ZNF143: variants seen among roughly 807,000 people sequenced by gnomAD.
ZNF143 encodes the protein SPH-binding factor.
ZNF143 carries 49 observed loss-of-function variants against 74.1 expected under a neutral mutation model. The ratio of observed to expected loss-of-function variants is 0.66; its 90% CI spans 0.53 to 0.84. The LOEUF (loss-of-function observed/expected upper bound fraction) is 0.84. ZNF143 is among the 40% of genes least tolerant of loss of function. The pLI is 0.00. For synonymous variants in ZNF143, 304 were observed against 282.8 expected (o/e 1.07, Z -0.75); for missense variants, 637 against 793.4 (o/e 0.80, Z 2.37).
chr11:9,478,122 G>A (rs924909212), intron 5 of ZNF143, among the ~76,000 whole-genome samples: 27 of 152,166 alleles, frequency 1.8e-4, no homozygotes, highest in African/African-American at 4.3e-4. Context: ...CACTGCACCC[G>A]GCCTGTTAAT....
intron 7 of ZNF143, among the ~76,000 whole-genome samples, chr11:9,480,875 GAAA>G: frequency 7.1e-6 from 1 of 140,038 alleles, no homozygotes; most frequent in Non-Finnish European, 1.5e-5. Context: ...CAACAAGAAC[GAAA>G]CTGTCTCAAA....
At chr11:9,468,261 G>A (rs1476494977) in intron 1 of ZNF143, among the ~76,000 whole-genome samples, 2 of 152,138 alleles carry the variant, frequency 1.3e-5, no homozygotes, top group African/African-American at 2.4e-5. Context: ...CAATAGTTCA[G>A]TTGAGATCAA....
At chr11:9,475,574 C>A (rs1465211434) in intron 5 of ZNF143, among the ~76,000 whole-genome samples, 1 of 152,176 alleles carries the variant, frequency 6.6e-6, no homozygotes, top group Non-Finnish European at 1.5e-5. Flanking sequence ...AACCACTTTG[C>A]CTAACCTATT....
chr11:9,481,455 C>T (rs2133935863), intron 7 of ZNF143, among the ~76,000 whole-genome samples: 1 of 152,178 alleles, frequency 6.6e-6, no homozygotes, highest in African/African-American at 2.4e-5. Context: ...CTAAGTCAAC[C>T]TCTACTAAGA....
At chr11:9,510,244 C>T (rs1441759343) in intron 12 of ZNF143, among the ~76,000 whole-genome samples, 2 of 151,824 alleles carry the variant, frequency 1.3e-5, no homozygotes, top group African/African-American at 2.4e-5. Context: ...CCTGCCTCAG[C>T]TTCCTGAGTA....
At position 9,508,821 on chromosome 11, in the gene ZNF143, G is replaced by A; in HGVS notation, c.1350G>A (p.Gln450=). Residue 450 remains glutamine (Q), a synonymous_variant, in exon 12 of 16, where the codon CAG becomes CAA. Transcript: ENST00000396602. ...ACACTGAGCCCATCGAGGAGGAGCA[G>A]GAAGCCTTCTTTGAGCCGCCCCCAG... ...HNDTEPIEEE[Q]EAFFEPPPGQ... is the part of the protein sequence containing the mutation. 1 of 1,598,370 alleles carries A rather than the reference G, an allele frequency of 6.3e-7. No homozygotes were observed. Among genetic ancestry groups the A allele is most frequent in the Non-Finnish European group, 8.5e-7 (1 of 1,171,820 alleles).
chr11:9,525,502 A>G (rs775619175), intron 15 of ZNF143, 116 bp downstream of exon 15: 5 of 1,335,116 alleles, frequency 3.7e-6, no homozygotes, highest in Admixed American at 1.8e-5. Flanking sequence ...AATAATCTCT[A>G]TCACCTAGCC....
intron 1 of ZNF143, among the ~76,000 whole-genome samples, chr11:9,466,902 G>A (rs1054010970): frequency 2.2e-4 from 34 of 151,520 alleles, no homozygotes; most frequent in South Asian, 8.3e-4. Flanking sequence ...GTGTGTGTGT[G>A]TGTTTTTTTG....
At chr11:9,521,028 A>T (rs766707006) in intron 14 of ZNF143, among the ~76,000 whole-genome samples, 2 of 152,228 alleles carry the variant, frequency 1.3e-5, no homozygotes, top group Non-Finnish European at 2.9e-5. Flanking sequence ...CACAAAATTG[A>T]GAGGTAGGTA....
At chr11:9,516,614 T>C (rs1047375791) in intron 14 of ZNF143, among the ~76,000 whole-genome samples, 1 of 150,724 alleles carries the variant, frequency 6.6e-6, no homozygotes, top group Non-Finnish European at 1.5e-5. Context: ...CCCACATATA[T>C]ATTAAGTGTT....
intron 14 of ZNF143, among the ~76,000 whole-genome samples, chr11:9,522,589 G>A (rs943218488): frequency 1.2e-4 from 18 of 152,308 alleles, no homozygotes; most frequent in African/African-American, 3.4e-4. Flanking sequence ...CGCCTCCCGG[G>A]TTCAAGCGAT....
chr11:9,475,597 A>G (rs1384407734), intron 5 of ZNF143, among the ~76,000 whole-genome samples: 4 of 152,154 alleles, frequency 2.6e-5, no homozygotes, highest in African/African-American at 9.7e-5. Flanking sequence ...TTCCTCTTAA[A>G]TGCAATTTTT....
intron 12 of ZNF143, among the ~76,000 whole-genome samples, chr11:9,510,136 TA>T (rs1330790047): frequency 1.6e-4 from 24 of 150,746 alleles, no homozygotes; most frequent in African/African-American, 5.1e-4. Context: ...TTTTTTTTTT[TA>T]TTTTTGAGAT....
At chr11:9,488,747 G>T (rs966751342) in intron 7 of ZNF143, among the ~76,000 whole-genome samples, 24 of 152,136 alleles carry the variant, frequency 1.6e-4, no homozygotes, top group African/African-American at 5.8e-4. Flanking sequence ...TAGAAAGTAG[G>T]TATTTTGCCA....
chr11:9,471,405 G>C lies in ZNF143; in HGVS notation c.97G>C (p.Ala33Pro). The change falls in exon 2 of 16, where the codon GCA (alanine) becomes CCA (proline). Residue 33 changes from alanine to proline, a missense_variant. Physicochemically the swap from Ala to Pro is conservative, Grantham distance 27. Around this residue, in one of 2 missense-constraint regions of ZNF143, gnomAD observed 293 missense variants for 307.8 expected, o/e 0.95. Transcript: ENST00000396602. ...ACATGTTACGCTGTGCTTGACAGAG[G>C]CAGTCACCGTGGCAGGTGAGCAGTT... The part of the protein sequence containing the change: ...AQHVTLCLTE[A>P]VTVADGDNLE... 6.2e-7 allele frequency: 1 copy of C among 1,604,572 alleles called. No homozygotes were observed. Among genetic ancestry groups the C allele is most frequent in the East Asian group, 2.3e-5 (1 of 44,416 alleles).
intron 14 of ZNF143, among the ~76,000 whole-genome samples, chr11:9,524,754 A>G (rs1849064480): frequency 6.6e-6 from 1 of 152,220 alleles, no homozygotes; most frequent in Non-Finnish European, 1.5e-5. Flanking sequence ...TGAGTATGAG[A>G]TGAGATGCTG....
chr11:9,494,671 G>A lies in ZNF143; in HGVS notation c.671G>A (p.Arg224Lys). 6.2e-7 allele frequency: 1 copy of A among 1,613,888 alleles called. No homozygotes were observed. The highest frequency in any genetic ancestry group is 8.5e-7 in the Non-Finnish European group (1 of 1,179,838). Residue 224 changes from arginine to lysine, a missense_variant, in exon 8 of 16, where the codon AGA becomes AAA. Arg to Lys is a conservative substitution (Grantham distance 26). Coordinates refer to ENST00000396602, the MANE Select transcript of ZNF143 (RefSeq NM_003442.6). Reference protein sequence around the residue: ...MQIVLQGHATRVTAKSQQSGE... With the variant: ...MQIVLQGHATKVTAKSQQSGE... ...ATTGTTTTACAAGGACATGCTACAA[G>A]AGTAACTGCTAAATCTCAACAGAGT... is the stretch of plus-strand genomic sequence containing the variant.
chr11:9,489,681 G>C (rs1189903795), intron 7 of ZNF143, among the ~76,000 whole-genome samples: 1 of 152,180 alleles, frequency 6.6e-6, no homozygotes, highest in Non-Finnish European at 1.5e-5. Context: ...TAGTCTGAAG[G>C]TGTGAGCAGC....
At chr11:9,522,984 A>G (rs1335921413) in intron 14 of ZNF143, among the ~76,000 whole-genome samples, 3 of 139,364 alleles carry the variant, frequency 2.2e-5, no homozygotes, top group Admixed American at 7.1e-5. Flanking sequence ...GGCCAGGCTG[A>G]TCTCGAACTC....
Sources: gnomAD v4.1 joint callset for allele counts (sites outside exome capture counted in the v4.1 genomes callset) on GRCh38, gnomAD v4.1.1 for gene constraint, gnomAD v4.1.1 regional missense constraint, MANE v1.5 for transcripts, NCBI Gene and HGNC (gene_info 2026-07-23, HGNC 2026-07-21) for gene names.